The following ARPC5 variants were observed in gnomAD, a reference collection of about 807,000 sequenced individuals.
ARPC5 encodes the protein actin-related protein 2/3 complex subunit 5.
Under a neutral mutation model 15.4 loss-of-function variants are expected in ARPC5, and 5 were observed. That is an observed-to-expected ratio of 0.32 (90% confidence interval 0.17 to 0.68). The LOEUF is 0.68. ARPC5 is among the 30% of genes least tolerant of loss of function. ARPC5 has a pLI of 0.71. For synonymous variants in ARPC5, 85 were observed against 72.2 expected, an observed-to-expected ratio of 1.18 and a Z score of -0.90; for missense variants, 138 against 192.8, an observed-to-expected ratio of 0.72 and a Z score of 1.68.
In ARPC5 at chr1:183,626,793, A is replaced by G. The variant is rs1419952822; in HGVS notation, c.*739T>C. On this transcript the variant is annotated 3_prime_UTR_variant, in exon 4 of 4. Coordinates refer to ENST00000359856, the MANE Select transcript of ARPC5 (RefSeq NM_005717.4). ...TTTGCAGTTTTTTCCAAACAGAGCC[A>G]TATTAGTGGAACAAAAGTTTGATGT... is the stretch of plus-strand genomic sequence containing the variant. The G allele has an allele frequency of 6.6e-6, 1 of 152,392 alleles. No individual in the cohort carries two copies. The highest frequency in any genetic ancestry group is 2.4e-5 in the African/African-American group (1 of 41,466). The allele number at this position is 152,392 out of a possible 1,614,324, so 9.4% of individuals were successfully genotyped here.
chr1:183,628,268 TC>T (rs1478667935), intron 3 of ARPC5, among the ~76,000 whole-genome samples: 1 of 149,690 alleles, frequency 6.7e-6, no homozygotes, highest in Non-Finnish European at 1.5e-5. Context: ...CACCACATAG[TC>T]AGAAGAAAAT....
Position 183,635,568 on chromosome 1 carries a change from C to G in ARPC5, c.92G>C (p.Gly31Ala), listed in dbSNP as rs757647353. The G allele has an allele frequency of 6.2e-7, 1 of 1,613,538 alleles. No individual in the cohort carries two copies. Among genetic ancestry groups the G allele is most frequent in the South Asian group, 1.1e-5 (1 of 91,006 alleles). ...CTCGTCGGGCCCGGCCTGGCCGTCGCCCCCATCTTCTTCGTCCACGAACTT... is the reference window on the plus strand; with the variant it reads ...CTCGTCGGGCCCGGCCTGGCCGTCGGCCCCATCTTCTTCGTCCACGAACTT... ...ENKFVDEEDG[G>A]DGQAGPDEGE... is the part of the protein sequence containing the mutation. Residue 31 changes from glycine to alanine, a missense_variant, in exon 1 of 4, where the codon GGC becomes GCC. Around this residue, in one of 3 missense-constraint regions of ARPC5, gnomAD observed 121 missense variants for 153.7 expected, o/e 0.79. Transcript: ENST00000359856.
chr1:183,632,806 C>T (rs1341350387), intron 2 of ARPC5: 2 of 262,498 alleles, frequency 7.6e-6, no homozygotes, highest in South Asian at 9.1e-5. Context: ...TTTTTCAAAC[C>T]TTTGCTCAAA....
chr1:183,630,852 G>A, intron 2 of ARPC5: 1 of 448,082 alleles, frequency 2.2e-6, no homozygotes. Context: ...AAAACCCAAT[G>A]TGGTTGGAGT....
chr1:183,628,265 T>TAGTCAGAAGA (rs1013543864), intron 3 of ARPC5, among the ~76,000 whole-genome samples: 5 of 147,574 alleles, frequency 3.4e-5, no homozygotes, highest in Non-Finnish European at 6.0e-5. Context: ...TCTCACCACA[T>TAGTCAGAAGA]AGTCAGAAGA....
intron 1 of ARPC5, among the ~76,000 whole-genome samples, chr1:183,635,284 G>A (rs1351291482): frequency 6.6e-6 from 1 of 152,222 alleles, no homozygotes; most frequent in African/African-American, 2.4e-5. Flanking sequence ...GAAGGCGCGC[G>A]GGGGAGGGCA....
Position 183,635,757 on chromosome 1 carries a change from C to T in ARPC5, c.-98G>A. 16 of 1,498,122 alleles carry T rather than the reference C, an allele frequency of 1.1e-5. No individual in the cohort carries two copies. The highest frequency in any genetic ancestry group is 2.6e-5 in the South Asian group (2 of 76,760). The allele number at this position is 1,498,122 out of a possible 1,614,324, so 92.8% of individuals were successfully genotyped here. On this transcript the variant is annotated 5_prime_UTR_variant, in exon 1 of 4. Coordinates refer to ENST00000359856, the MANE Select transcript of ARPC5 (RefSeq NM_005717.4). ...ACTACCCGGCGCCTGATTCACTTCC[C>T]TCTTCCGCTCTGAGGCGTCGCCGAC...
In ARPC5 at chr1:183,633,003, A is replaced by AT. The variant is rs138442122; in HGVS notation, c.216+78dup. ...AAGATAGCAAACAGTTAAAATATTG[A>AT]TTTTTTTTTGCAACTGCAGAGGATT... On this transcript the variant is annotated intron_variant, in intron 2 of 3. Transcript: ENST00000359856. 1.5e-3 allele frequency: 1,649 copies of AT among 1,075,936 alleles called. 11 individuals carry two copies. Among genetic ancestry groups the AT allele is most frequent in the African/African-American group, 0.015 (881 of 59,392 alleles). 66.6% of individuals were successfully genotyped at this position (1,075,936 alleles called of 1,614,324 possible). A position where few individuals can be genotyped will look rare whatever the true frequency, so the allele number is the denominator to read the frequency against.
At chr1:183,628,172 CAAAAAAA>C (rs3068220) in intron 3 of ARPC5, among the ~76,000 whole-genome samples, 10 of 46,068 alleles carry the variant, frequency 2.2e-4, no homozygotes, top group South Asian at 2.1e-3. Context: ...GACTCCGTCT[CAAAAAAA>C]AAAAAAAAAA....
chr1:183,624,890 G>T lies in ARPC5; in HGVS notation c.*2642C>A, dbSNP rs1649050192. On this transcript the variant is annotated 3_prime_UTR_variant, in exon 4 of 4. Transcript: ENST00000359856. Reference sequence around the variant, plus strand: ...TCTTCTGTTATGTCCTCATGATCCTGGGATCCACAGGAAATGCTTTAAAAA... The same window carrying T: ...TCTTCTGTTATGTCCTCATGATCCTTGGATCCACAGGAAATGCTTTAAAAA... 1.3e-5 allele frequency: 2 copies of T among 152,026 alleles called. No individual in the cohort carries two copies. Among genetic ancestry groups the T allele is most frequent in the Admixed American group, 1.3e-4 (2 of 15,266 alleles). The allele number at this position is 152,026 out of a possible 1,614,324, so 9.4% of individuals were successfully genotyped here.
rs1047104422 is a variant in ARPC5 at position 183,623,829 on chromosome 1, C to G, written c.*3703G>C. The G allele has an allele frequency of 3.8e-6, 1 of 261,826 alleles. No homozygotes were observed. The highest frequency in any genetic ancestry group is 2.2e-5 in the African/African-American group (1 of 44,548). The allele number at this position is 261,826 out of a possible 1,614,324, so 16.2% of individuals were successfully genotyped here. ...CCTGAGGTCAGGAGTTCAAGACCAG[C>G]CTGGGCAACATGGTGAAACCCCATC... is the stretch of plus-strand genomic sequence containing the variant. On this transcript the variant is annotated 3_prime_UTR_variant, in exon 4 of 4. Coordinates refer to ENST00000359856, the MANE Select transcript of ARPC5 (RefSeq NM_005717.4).
At chr1:183,633,579 T>G (rs1442501325) in intron 1 of ARPC5, 2 of 153,344 alleles carry the variant, frequency 1.3e-5, no homozygotes, top group South Asian at 1.9e-4. Flanking sequence ...ACCAAACTTT[T>G]GCTAGAACCA....
chr1:183,627,519 A>T lies in ARPC5; in HGVS notation c.*13T>A. The stretch of plus-strand genomic sequence containing the variant: ...TTCCCACTCCCGAGGCAGATAATCC[A>T]CTTCCTGCCAGACTACACAGTTTTT... On this transcript the variant is annotated 3_prime_UTR_variant, in exon 4 of 4. Coordinates refer to ENST00000359856, the MANE Select transcript of ARPC5 (RefSeq NM_005717.4). 6.2e-7 allele frequency: 1 copy of T among 1,613,104 alleles called. No homozygotes were observed. Among genetic ancestry groups the T allele is most frequent in the Non-Finnish European group, 8.5e-7 (1 of 1,179,108 alleles).
chr1:183,634,375 G>A (rs1649363235), intron 1 of ARPC5, among the ~76,000 whole-genome samples: 1 of 152,118 alleles, frequency 6.6e-6, no homozygotes, highest in African/African-American at 2.4e-5. Flanking sequence ...GCTCTATTTA[G>A]GTGCCTTTAA....
chr1:183,623,461 A>G lies in ARPC5; in HGVS notation c.*4071T>C, dbSNP rs1648993787. The G allele has an allele frequency of 1.9e-6, 3 of 1,550,392 alleles. No individual in the cohort carries two copies. Among genetic ancestry groups the G allele is most frequent in the East Asian group, 4.9e-5 (2 of 40,900 alleles). On this transcript the variant is annotated 3_prime_UTR_variant, in exon 4 of 4. Transcript: ENST00000359856. ...GGGCCTCCTCCATATCTGGAATCAT[A>G]CAAGAGGCACCTGCACAGAACGTTT... is the stretch of plus-strand genomic sequence containing the variant.
intron 1 of ARPC5, chr1:183,633,382 G>C (rs570239673): frequency 3.0e-6 from 1 of 336,688 alleles, no homozygotes; most frequent in African/African-American, 2.2e-5. Context: ...TTTCACCCTT[G>C]GTTCTAACTA....
In ARPC5 at chr1:183,625,370, G is replaced by A. The variant is rs1273049501; in HGVS notation, c.*2162C>T. The A allele has an allele frequency of 6.6e-6, 1 of 152,150 alleles. No homozygotes were observed. The highest frequency in any genetic ancestry group is 1.9e-4 in the East Asian group (1 of 5,200). 9.4% of individuals were successfully genotyped at this position (152,150 alleles called of 1,614,324 possible). ...TTTAGTATCTCCCCTCAGTAAAGCT[G>A]ATAGACTGGCAGATTCTAAATACAC... On this transcript the variant is annotated 3_prime_UTR_variant, in exon 4 of 4. Transcript: ENST00000359856.
intron 2 of ARPC5, chr1:183,632,760 A>T (rs1428252539): frequency 5.4e-6 from 1 of 185,628 alleles, no homozygotes; most frequent in Non-Finnish European, 1.1e-5. Flanking sequence ...TTAAAAAGCA[A>T]TTACAATCTG....
In ARPC5 at chr1:183,621,758, G is replaced by A. The variant is rs1161820924; in HGVS notation, c.*5774C>T. On this transcript the variant is annotated 3_prime_UTR_variant, in exon 4 of 4. Coordinates refer to ENST00000359856, the MANE Select transcript of ARPC5 (RefSeq NM_005717.4). Reference sequence around the variant, plus strand: ...TTGTAAACTGTCATGGTGCCGGTGGGAGCGTAGCGGTGAGGATGGCCAGAG... The same window carrying A: ...TTGTAAACTGTCATGGTGCCGGTGGAAGCGTAGCGGTGAGGATGGCCAGAG... 1 of 152,118 alleles carries A rather than the reference G, an allele frequency of 6.6e-6. No individual in the cohort carries two copies. Among genetic ancestry groups the A allele is most frequent in the Non-Finnish European group, 1.5e-5 (1 of 68,026 alleles). 9.4% of individuals were successfully genotyped at this position (152,118 alleles called of 1,614,324 possible).
Sources: allele counts gnomAD v4.1 joint callset (sites outside exome capture counted in the v4.1 genomes callset), GRCh38; gene constraint gnomAD v4.1.1; regional missense constraint gnomAD v4.1.1; transcripts MANE v1.5; gene names NCBI Gene and HGNC (gene_info 2026-07-23, HGNC 2026-07-21).